Variants in PUS7 observed in about 807,000 individuals in gnomAD.
The protein encoded by PUS7 is pseudouridylate synthase 7 homolog.
In PUS7, 48 loss-of-function variants were observed where a neutral mutation model predicts 79.8. That is an observed-to-expected ratio of 0.60 (90% CI 0.48 to 0.76). The LOEUF is 0.76. Ranked by LOEUF, PUS7 falls within the 30% of genes least tolerant of loss-of-function variation. The pLI, the probability that PUS7 is intolerant of heterozygous loss-of-function variation, is 0.00. For synonymous variants in PUS7, 286 were observed against 272.2 expected, an observed-to-expected ratio of 1.05 and a Z score of -0.50; for missense variants, 729 against 797.6, an observed-to-expected ratio of 0.91 and a Z score of 1.04.
intron 4 of PUS7, among the ~76,000 whole-genome samples, chr7:105,504,600 T>A (rs1172998692): frequency 6.6e-6 from 1 of 152,184 alleles, no homozygotes; most frequent in Non-Finnish European, 1.5e-5. Context: ...GCCTTTTAAA[T>A]GTACAGACTT....
rs370257583 is a variant in PUS7 at position 105,475,420 on chromosome 7, T to C, written c.1176-3227A>G. Among the ~76,000 whole-genome samples the C allele has an allele frequency of 2.5e-3, 383 of 151,038 alleles. 2 individuals are homozygous for C. Among genetic ancestry groups the C allele is most frequent in the East Asian group, 0.017 (85 of 5,124 alleles). On this transcript the variant is annotated intron_variant, in intron 9 of 15. Transcript: ENST00000469408. The stretch of plus-strand genomic sequence containing the variant: ...CAGGATGGTCTCGATCTCCTGACCT[T>C]GTGATCTGCCCCCCTTGGCCTCCTG...
intron 9 of PUS7, among the ~76,000 whole-genome samples, chr7:105,472,920 C>CTT (rs758552553): frequency 0.11 from 12,865 of 116,222 alleles, 925 homozygotes; most frequent in African/African-American, 0.17. Flanking sequence ...TGCCCAGCTA[C>CTT]TTTTTTTTTT....
intron 6 of PUS7, 133 bp from the exon 7 acceptor site, chr7:105,491,750 CTTTAT>C (rs1033028731): frequency 1.9e-5 from 12 of 616,246 alleles, no homozygotes; most frequent in African/African-American, 1.5e-4. Flanking sequence ...TGAGGAGAAA[CTTTAT>C]TTTAACATGA....
intron 1 of PUS7, among the ~76,000 whole-genome samples, chr7:105,521,495 T>C (rs892707481): frequency 5.3e-5 from 8 of 150,122 alleles, no homozygotes; most frequent in Admixed American, 2.7e-4. Context: ...CGTCCACTCC[T>C]ACTCTGGGAA....
chr7:105,466,563 T>A (rs921922168), intron 12 of PUS7, among the ~76,000 whole-genome samples: 1 of 152,028 alleles, frequency 6.6e-6, no homozygotes, highest in African/African-American at 2.4e-5. Flanking sequence ...TGAAGTAAAA[T>A]TTTCAATGAA....
intron 5 of PUS7, among the ~76,000 whole-genome samples, chr7:105,501,954 CAAAA>C (rs1260361044): frequency 6.3e-4 from 78 of 124,250 alleles, no homozygotes; most frequent in Non-Finnish European, 1.0e-3. Flanking sequence ...GACTCCGTCT[CAAAA>C]AAAAAAAAAA....
At chr7:105,474,624 A>T (rs969225956) in intron 9 of PUS7, among the ~76,000 whole-genome samples, 2 of 151,728 alleles carry the variant, frequency 1.3e-5, no homozygotes, top group Admixed American at 6.6e-5. Flanking sequence ...AAAAAAAAAA[A>T]AAAAAAAATA....
chr7:105,472,304 C>T, intron 9 of PUS7, 111 bp from the exon 10 acceptor site: 3 of 639,470 alleles, frequency 4.7e-6, no homozygotes, highest in South Asian at 3.9e-5. Flanking sequence ...GAAGCCTTGA[C>T]CTCCCAGGCT....
intron 7 of PUS7, among the ~76,000 whole-genome samples, chr7:105,490,442 C>G (rs1824735740): frequency 6.6e-6 from 1 of 152,136 alleles, no homozygotes; most frequent in African/African-American, 2.4e-5. Flanking sequence ...TTCACTGTGA[C>G]TAACTGGGTT....
chr7:105,513,669 C>A (rs1825782589), intron 1 of PUS7, among the ~76,000 whole-genome samples: 1 of 148,474 alleles, frequency 6.7e-6, no homozygotes, highest in Non-Finnish European at 1.5e-5. Context: ...AACCCCGTCT[C>A]TACTAAAAAA....
chr7:105,492,599 G>A (rs1461080321), intron 6 of PUS7, among the ~76,000 whole-genome samples: 17 of 145,706 alleles, frequency 1.2e-4, no homozygotes, highest in East Asian at 6.1e-4. Flanking sequence ...TCCGCCTCCC[G>A]GGTTCACGCC....
intron 5 of PUS7, among the ~76,000 whole-genome samples, chr7:105,499,992 G>A (rs2133215511): frequency 6.6e-6 from 1 of 152,248 alleles, no homozygotes; most frequent in South Asian, 2.1e-4. Context: ...CTTGGGGAGA[G>A]TGGGGTCTAT....
intron 1 of PUS7, among the ~76,000 whole-genome samples, chr7:105,521,253 T>C: frequency 6.6e-6 from 1 of 152,056 alleles, no homozygotes; most frequent in Non-Finnish European, 1.5e-5. Context: ...GGAACCTTAG[T>C]AACCCTTTAT....
intron 9 of PUS7, among the ~76,000 whole-genome samples, chr7:105,475,432 C>G (rs1035847896): frequency 6.1e-4 from 92 of 151,098 alleles, no homozygotes; most frequent in Non-Finnish European, 9.7e-4. Context: ...TGATCTGCCC[C>G]CCTTGGCCTC....
At chr7:105,488,027 G>A (rs1373482940) in intron 7 of PUS7, among the ~76,000 whole-genome samples, 1 of 152,124 alleles carries the variant, frequency 6.6e-6, no homozygotes, top group Non-Finnish European at 1.5e-5. Context: ...CAAACTAAGG[G>A]TGTAGCCTGT....
chr7:105,519,237 A>AT (rs55829105), intron 1 of PUS7, among the ~76,000 whole-genome samples: 20,555 of 142,526 alleles, frequency 0.14, 1,780 homozygotes, highest in South Asian at 0.27. Flanking sequence ...GAACACACTA[A>AT]TTTTTTTTTT....
At chr7:105,493,319 G>A (rs1266230411) in intron 6 of PUS7, among the ~76,000 whole-genome samples, 1 of 152,148 alleles carries the variant, frequency 6.6e-6, no homozygotes, top group Non-Finnish European at 1.5e-5. Flanking sequence ...CATATGAGAA[G>A]GAAAAAGCCA....
In PUS7 at chr7:105,457,915, T is replaced by C; in HGVS notation, c.1861A>G (p.Arg621Gly). The C allele has an allele frequency of 1.2e-6, 2 of 1,613,552 alleles. No homozygotes were observed. The highest frequency in any genetic ancestry group is 1.1e-5 in the South Asian group (1 of 91,010). The change falls in exon 16 of 16, where the codon AGG becomes GGG. Residue 621 changes from arginine to glycine, a missense_variant. Arg to Gly is a moderately radical substitution (Grantham distance 125). Coordinates refer to ENST00000469408, the MANE Select transcript of PUS7 (RefSeq NM_019042.5). ...PPVFASEGKY[R>G]ALKMDFSLPP... The stretch of plus-strand genomic sequence containing the variant: ...AGAGAAAAATCCATTTTCAGAGCCC[T>C]GTATTTGCCTTCTGCAAGGCAAGAA...
In PUS7 at chr7:105,496,216, TATATATATATAGAGAG is replaced by T. The variant is rs1217285617; in HGVS notation, c.731-979_731-964del. On this transcript the variant is annotated intron_variant, in intron 5 of 15. Transcript: ENST00000469408. ...ACACACATATATATATATATATATA[TATATATATATAGAGAG>T]AGAGAGAGAGAGAGAGAGAGAGGGA... Among the ~76,000 whole-genome samples, 167 of 76,718 alleles carry T rather than the reference TATATATATATAGAGAG, an allele frequency of 2.2e-3. 1 individual carries two copies. Among genetic ancestry groups the T allele is most frequent in the African/African-American group, 8.7e-3 (156 of 17,852 alleles). The allele number at this position is 76,718 out of a possible 152,430, so 50.3% of individuals were successfully genotyped here.
Sources: gnomAD v4.1 joint callset for allele counts (sites outside exome capture counted in the v4.1 genomes callset) on GRCh38, gnomAD v4.1.1 for gene constraint, MANE v1.5 for transcripts, NCBI Gene and HGNC (gene_info 2026-07-23, HGNC 2026-07-21) for gene names.